The following NTM variants were observed in gnomAD, a reference collection of about 807,000 sequenced individuals.
NTM encodes neurotrimin, also known as IgLON family member 2.
NTM carries 13 observed loss-of-function variants against 42.1 expected under a neutral mutation model. The observed-to-expected ratio is 0.31, with a 90% CI of 0.20 to 0.49. The LOEUF (loss-of-function observed/expected upper bound fraction) is 0.49, where lower values mean the gene tolerates loss of function less well. Among genes scored for constraint, NTM ranks in the 20% least tolerant of loss-of-function variants. NTM has a pLI of 0.99. For missense variants in NTM, 373 were observed against 452.8 expected, an observed-to-expected ratio of 0.82 and a Z score of 1.60; for synonymous variants, 187 against 179.2, an observed-to-expected ratio of 1.04 and a Z score of -0.35.
intron 2 of NTM, among the ~76,000 whole-genome samples, chr11:131,967,474 C>T (rs1205151925): frequency 6.6e-6 from 1 of 151,964 alleles, no homozygotes; most frequent in African/African-American, 2.4e-5. Flanking sequence ...TGTAGGTTGG[C>T]CCTGGGAAGG....
intron 1 of NTM, among the ~76,000 whole-genome samples, chr11:131,440,843 A>T (rs866699115): frequency 8.4e-6 from 1 of 118,594 alleles, no homozygotes; most frequent in Admixed American, 8.7e-5. Flanking sequence ...AAAAAAAAAA[A>T]AAAAAAAAAA....
chr11:132,070,632 C>G (rs1240583748), intron 2 of NTM, among the ~76,000 whole-genome samples: 1 of 131,312 alleles, frequency 7.6e-6, no homozygotes, highest in Non-Finnish European at 1.6e-5. Flanking sequence ...ACAGCCAAAA[C>G]ACGTCAAACT....
chr11:131,391,840 G>C (rs1347567479), intron 1 of NTM, among the ~76,000 whole-genome samples: 1 of 151,990 alleles, frequency 6.6e-6, no homozygotes, highest in African/African-American at 2.4e-5. Flanking sequence ...AAAATATATA[G>C]GGTCCAAGCC....
intron 1 of NTM, among the ~76,000 whole-genome samples, chr11:131,870,664 C>T (rs992019782): frequency 6.6e-6 from 1 of 152,070 alleles, no homozygotes. Flanking sequence ...GGAGAAAGTG[C>T]TGATAAAAAG....
chr11:131,438,737 T>C (rs1269585482), intron 1 of NTM, among the ~76,000 whole-genome samples: 1 of 152,234 alleles, frequency 6.6e-6, no homozygotes, highest in Non-Finnish European at 1.5e-5. Context: ...CATCCTCCTT[T>C]AGCTTGGAGA....
chr11:131,837,957 T>A (rs977416762), intron 1 of NTM, among the ~76,000 whole-genome samples: 1 of 152,216 alleles, frequency 6.6e-6, no homozygotes. Flanking sequence ...TTCAGACAGG[T>A]TGGCCTAATA....
chr11:131,811,167 G>A (rs1320223842), intron 1 of NTM, among the ~76,000 whole-genome samples: 2 of 152,104 alleles, frequency 1.3e-5, no homozygotes, highest in Non-Finnish European at 2.9e-5. Context: ...TGGTTATGTG[G>A]CCAGTATCCA....
intron 1 of NTM, chr11:131,794,461 T>G (rs535478678): frequency 2.0e-6 from 2 of 985,168 alleles, no homozygotes; most frequent in Admixed American, 1.2e-4. Flanking sequence ...GGCGTTTGCC[T>G]TTCCTCCCCA....
At position 131,987,421 on chromosome 11, in the gene NTM, A is replaced by ATTCTATTCTG. The variant is rs71067350; in HGVS notation, c.167+75782_167+75783insGTTCTATTCT. Among the ~76,000 whole-genome samples the ATTCTATTCTG allele has an allele frequency of 4.9e-4, 68 of 139,616 alleles. 1 individual carries two copies. The highest frequency in any genetic ancestry group is 1.7e-3 in the South Asian group (7 of 4,196). The allele number at this position is 139,616 out of a possible 152,430, so 91.6% of individuals were successfully genotyped here. ...ATTCTATTCTATTCTATTCTATTCT[A>ATTCTATTCTG]TTCTATTCTATTTTCATTCCAGCCC... On this transcript the variant is annotated intron_variant, in intron 2 of 8. Transcript: ENST00000683400.
intron 1 of NTM, among the ~76,000 whole-genome samples, chr11:131,659,975 TGTGAGCAC>T (rs1300710291): frequency 6.6e-6 from 1 of 152,204 alleles, no homozygotes; most frequent in Non-Finnish European, 1.5e-5. Context: ...TTTTCCAATA[TGTGAGCAC>T]GTGAAGGATC....
At chr11:132,294,232 T>G (rs905336529) in intron 4 of NTM, among the ~76,000 whole-genome samples, 6 of 152,160 alleles carry the variant, frequency 3.9e-5, no homozygotes, top group African/African-American at 1.4e-4. Flanking sequence ...ACTTTCTCTG[T>G]TTGACGTGCA....
intron 1 of NTM, among the ~76,000 whole-genome samples, chr11:131,868,562 C>T (rs1267638403): frequency 6.6e-6 from 1 of 152,216 alleles, no homozygotes; most frequent in Admixed American, 6.5e-5. Flanking sequence ...CTGGAAATGA[C>T]ACACCTTTCC....
chr11:131,851,787 G>A (rs1010121781), intron 1 of NTM, among the ~76,000 whole-genome samples: 1 of 151,900 alleles, frequency 6.6e-6, no homozygotes, highest in Admixed American at 6.6e-5. Flanking sequence ...GCCAAATGAT[G>A]GACCAAAGCA....
At chr11:131,908,469 T>C (rs763077152) in intron 1 of NTM, among the ~76,000 whole-genome samples, 6 of 152,246 alleles carry the variant, frequency 3.9e-5, no homozygotes, top group Non-Finnish European at 8.8e-5. Context: ...GATTAGCATT[T>C]ATCATGAATC....
intron 1 of NTM, among the ~76,000 whole-genome samples, chr11:131,744,715 G>C (rs2081591343): frequency 6.6e-6 from 1 of 152,074 alleles, no homozygotes; most frequent in Admixed American, 6.6e-5. Flanking sequence ...AGTTATTTAA[G>C]GACAGACTAC....
At chr11:131,387,803 C>T (rs1029115816) in intron 1 of NTM, among the ~76,000 whole-genome samples, 1 of 152,040 alleles carries the variant, frequency 6.6e-6, no homozygotes, top group Non-Finnish European at 1.5e-5. Context: ...AACCCACTCC[C>T]CCCTTAAAAA....
intron 3 of NTM, among the ~76,000 whole-genome samples, chr11:132,199,973 T>G (rs1262562411): frequency 6.6e-6 from 1 of 152,102 alleles, no homozygotes; most frequent in Non-Finnish European, 1.5e-5. Flanking sequence ...CTTCTCTCTT[T>G]CCCCAACTGC....
chr11:131,461,636 T>C (rs563461949), intron 1 of NTM, among the ~76,000 whole-genome samples: 2 of 152,240 alleles, frequency 1.3e-5, no homozygotes, highest in African/African-American at 4.8e-5. Flanking sequence ...GAACAGTAAC[T>C]ATGGTTAATA....
chr11:131,608,140 T>C (rs1021071709), intron 1 of NTM, among the ~76,000 whole-genome samples: 2 of 152,176 alleles, frequency 1.3e-5, no homozygotes, highest in East Asian at 3.9e-4. Flanking sequence ...AGTGAGAACA[T>C]GCAGTGTGTG....
Sources: allele counts gnomAD v4.1 joint callset (sites outside exome capture counted in the v4.1 genomes callset), GRCh38; gene constraint gnomAD v4.1.1; transcripts MANE v1.5; gene names NCBI Gene and HGNC (gene_info 2026-07-23, HGNC 2026-07-21).